Variants in CSMD3 observed in about 807,000 individuals in gnomAD.
CSMD3 encodes CUB and Sushi multiple domains 3, also known as CUB and sushi domain-containing protein 3.
CSMD3 carries 177 observed loss-of-function variants against 435.2 expected under a neutral mutation model. That is an observed-to-expected ratio of 0.41 (90% CI 0.36 to 0.46). The LOEUF is 0.46. Among genes scored for constraint, CSMD3 ranks in the 20% least tolerant of loss-of-function variants. CSMD3 has a pLI of 0.34. For missense variants in CSMD3, 4,265 were observed against 4,504.6 expected (o/e 0.95, Z 1.52); for synonymous variants, 1,656 against 1,520.5 (o/e 1.09, Z -2.07).
At chr8:112,781,280 C>G (rs897759980) in intron 13 of CSMD3, among the ~76,000 whole-genome samples, 6 of 151,936 alleles carry the variant, frequency 3.9e-5, no homozygotes, top group African/African-American at 1.2e-4. Flanking sequence ...TTAGTGGTAG[C>G]CCGGCAGTAC....
At chr8:112,677,653 T>A (rs760040131) in intron 16 of CSMD3, among the ~76,000 whole-genome samples, 1 of 151,770 alleles carries the variant, frequency 6.6e-6, no homozygotes, top group Non-Finnish European at 1.5e-5. Flanking sequence ...TTTGAAATGA[T>A]CATTTGGGGG....
intron 44 of CSMD3, among the ~76,000 whole-genome samples, chr8:112,335,742 T>TG (rs1824496852): frequency 6.6e-6 from 1 of 151,692 alleles, no homozygotes; most frequent in Non-Finnish European, 1.5e-5. Flanking sequence ...TCTTTGTTTT[T>TG]TTTTTTTTTT....
intron 36 of CSMD3, among the ~76,000 whole-genome samples, chr8:112,384,802 C>T (rs889009196): frequency 1.3e-5 from 2 of 152,152 alleles, no homozygotes; most frequent in African/African-American, 2.4e-5. Flanking sequence ...GAAGTAAAGC[C>T]GTATGATTGT....
intron 3 of CSMD3, among the ~76,000 whole-genome samples, chr8:113,212,632 A>G (rs1426771962): frequency 6.6e-6 from 1 of 152,010 alleles, no homozygotes; most frequent in Non-Finnish European, 1.5e-5. Context: ...GCAAACTATC[A>G]CAAGGACAAA....
intron 22 of CSMD3, among the ~76,000 whole-genome samples, chr8:112,600,871 G>T (rs1832287097): frequency 6.6e-6 from 1 of 151,944 alleles, no homozygotes; most frequent in Non-Finnish European, 1.5e-5. Flanking sequence ...TAGAGACGGG[G>T]TTTCACCGTG....
rs768980020 is a variant in CSMD3, at chr8:112,406,645, G to A, written c.5688C>T (p.Val1896=). The part of the protein sequence containing the change: ...FGRRIGNEFA[V]GSSVLFDCNP... The stretch of plus-strand genomic sequence containing the variant: ...TACAATCAAAAAGAACCGATGAACC[G>A]ACTGCAAATTCATTGCCAATTCTTC... Residue 1896 remains valine (V), a synonymous_variant, in exon 35 of 71, where the codon GTC becomes GTT. Transcript: ENST00000297405. 13 of 1,612,214 alleles carry A rather than the reference G, an allele frequency of 8.1e-6. No homozygotes were observed. The highest frequency in any genetic ancestry group is 2.7e-5 in the African/African-American group (2 of 74,852).
chr8:112,409,604 C>T (rs887793242), intron 32 of CSMD3, among the ~76,000 whole-genome samples: 10 of 151,840 alleles, frequency 6.6e-5, no homozygotes, highest in African/African-American at 2.2e-4. Context: ...TAATCTTCTG[C>T]CAAAATAAAG....
chr8:112,287,197 A>G lies in CSMD3; in HGVS notation c.9198T>C (p.Ser3066=), dbSNP rs1249919006. ...CGDPGTPGHG[S]RQESNFRTKS... ...TAGTTCTGAAATTGCTTTCCTGTCT[A>G]GAGCCATGGCCGGGAGTACCTGGAT... Residue 3066 remains serine (S), a synonymous_variant, in exon 58 of 71, where the codon TCT becomes TCC. Transcript: ENST00000297405. 1 of 1,613,788 alleles carries G rather than the reference A, an allele frequency of 6.2e-7. No homozygotes were observed. Among genetic ancestry groups the G allele is most frequent in the Non-Finnish European group, 8.5e-7 (1 of 1,179,820 alleles).
intron 13 of CSMD3, among the ~76,000 whole-genome samples, chr8:112,737,448 T>C (rs2077210684): frequency 6.6e-6 from 1 of 151,892 alleles, no homozygotes; most frequent in African/African-American, 2.4e-5. Flanking sequence ...TTTAAAGTGA[T>C]TAGTACCTAA....
At chr8:113,065,554 T>A (rs1024244314) in intron 5 of CSMD3, among the ~76,000 whole-genome samples, 2 of 151,520 alleles carry the variant, frequency 1.3e-5, no homozygotes, top group African/African-American at 4.8e-5. Context: ...GCCTGGCTAA[T>A]TTTTTTTGTA....
chr8:113,114,881 C>A (rs902441429), intron 4 of CSMD3, among the ~76,000 whole-genome samples: 4 of 152,124 alleles, frequency 2.6e-5, no homozygotes, highest in African/African-American at 9.7e-5. Context: ...TTGCAAAAAG[C>A]ATCAAGTGGA....
chr8:112,900,139 T>TGAC (rs1163786133), intron 10 of CSMD3, among the ~76,000 whole-genome samples: 2 of 151,230 alleles, frequency 1.3e-5, no homozygotes, highest in Non-Finnish European at 3.0e-5. Flanking sequence ...AGGGCAGTCC[T>TGAC]GACCCATGGA....
intron 22 of CSMD3, among the ~76,000 whole-genome samples, chr8:112,592,339 G>A (rs1831263660): frequency 1.3e-5 from 2 of 151,524 alleles, no homozygotes; most frequent in Admixed American, 6.6e-5. Flanking sequence ...GTTCTTCTTA[G>A]GCAATAATAG....
intron 10 of CSMD3, among the ~76,000 whole-genome samples, chr8:112,881,604 C>G (rs1222232539): frequency 6.6e-6 from 1 of 151,970 alleles, no homozygotes; most frequent in African/African-American, 2.4e-5. Flanking sequence ...CTGTTTTCTG[C>G]ACTCCAATCT....
intron 13 of CSMD3, among the ~76,000 whole-genome samples, chr8:112,720,368 C>A (rs928619001): frequency 6.6e-6 from 1 of 151,744 alleles, no homozygotes; most frequent in Non-Finnish European, 1.5e-5. Context: ...ACTGACACAA[C>A]AGGTTAGGGG....
At chr8:113,117,285 G>A (rs538335404) in intron 4 of CSMD3, among the ~76,000 whole-genome samples, 1 of 152,282 alleles carries the variant, frequency 6.6e-6, no homozygotes, top group East Asian at 1.9e-4. Context: ...GCTAAAATGG[G>A]CCAAGGTACA....
At chr8:112,470,494 G>T (rs16883659) in intron 32 of CSMD3, among the ~76,000 whole-genome samples, 2,642 of 152,142 alleles carry the variant, frequency 0.017, 77 homozygotes, top group African/African-American at 0.06. Context: ...GTAGGGTTCA[G>T]GCTGACAATG....
intron 4 of CSMD3, among the ~76,000 whole-genome samples, chr8:113,116,796 C>A (rs1034562688): frequency 5.3e-5 from 8 of 152,110 alleles, no homozygotes; most frequent in African/African-American, 1.9e-4. Context: ...GAAGTCCAGG[C>A]TGAGGTGGTC....
At chr8:113,222,692 T>A (rs2092982707) in intron 3 of CSMD3, among the ~76,000 whole-genome samples, 1 of 151,078 alleles carries the variant, frequency 6.6e-6, no homozygotes, top group South Asian at 2.1e-4. Flanking sequence ...AAATTAAGGT[T>A]GCTTTCATAT....
Sources: gnomAD v4.1 joint callset for allele counts (sites outside exome capture counted in the v4.1 genomes callset) on GRCh38, gnomAD v4.1.1 for gene constraint, MANE v1.5 for transcripts, NCBI Gene and HGNC (gene_info 2026-07-23, HGNC 2026-07-21) for gene names.